The following EFL1 variants were observed in gnomAD, a reference collection of about 807,000 sequenced individuals.
EFL1 encodes elongation factor-like GTPase 1.
EFL1 carries 76 observed loss-of-function variants against 126.7 expected under a neutral mutation model. The ratio of observed to expected loss-of-function variants is 0.60; its 90% CI spans 0.50 to 0.73. EFL1 has a LOEUF of 0.73. EFL1 is among the 30% of genes least tolerant of loss of function. The probability of loss-of-function intolerance (pLI) is 0.00; values close to 1 mark genes in which losing one functional copy is unlikely to be tolerated. For missense variants in EFL1, 1,128 were observed against 1,343.2 expected (o/e 0.84, Z 2.50); for synonymous variants, 410 against 448.4 (o/e 0.91, Z 1.08).
At chr15:82,156,632 T>C (rs1442119322) in intron 17 of EFL1, among the ~76,000 whole-genome samples, 1 of 151,272 alleles carries the variant, frequency 6.6e-6, no homozygotes, top group African/African-American at 2.5e-5. Flanking sequence ...TGTTGTATAG[T>C]TACTACTACC....
chr15:82,207,721 A>ATTT lies in EFL1; in HGVS notation c.1750+6993_1750+6995dup, dbSNP rs200551064. Among the ~76,000 whole-genome samples, 446 of 141,890 alleles carry ATTT rather than the reference A, an allele frequency of 3.1e-3. 5 individuals carry two copies. The highest frequency in any genetic ancestry group is 7.8e-3 in the South Asian group (35 of 4,462). The allele number at this position is 141,890 out of a possible 152,430, so 93.1% of individuals were successfully genotyped here. Reference sequence around the variant, plus strand: ...AAAGTTGAGAATAATTGATTGATTGATTTTTTTTTTTTTTTTGAGAAGGAG... The same window carrying ATTT: ...AAAGTTGAGAATAATTGATTGATTGATTTTTTTTTTTTTTTTTTTGAGAAGGAG... On this transcript the variant is annotated intron_variant, in intron 15 of 19. Transcript: ENST00000268206.
chr15:82,141,755 A>T (rs1395930161), intron 18 of EFL1, among the ~76,000 whole-genome samples: 7 of 152,134 alleles, frequency 4.6e-5, no homozygotes, highest in Non-Finnish European at 8.8e-5. Context: ...ACAATAAAAC[A>T]ATAGGGGCAA....
At chr15:82,219,495 T>A (rs2074685287) in intron 14 of EFL1, among the ~76,000 whole-genome samples, 157 bp downstream of exon 14, 1 of 152,166 alleles carries the variant, frequency 6.6e-6, no homozygotes. Flanking sequence ...ATGACAAATG[T>A]TATCAAAGCA....
chr15:82,151,861 A>C lies in EFL1; in HGVS notation c.2593T>G (p.Leu865Val). 4 of 1,614,090 alleles carry C rather than the reference A, an allele frequency of 2.5e-6. No homozygotes were observed. The highest frequency in any genetic ancestry group is 3.4e-6 in the Non-Finnish European group (4 of 1,180,026). The change falls in exon 18 of 20, where the codon TTG (leucine) becomes GTG (valine). Residue 865 changes from leucine to valine, a missense_variant. By Grantham distance (32) the Leu-to-Val change is conservative. This residue lies in a region of EFL1 where 561 missense variants were observed against 641.7 expected (regional missense o/e 0.87). Coordinates refer to ENST00000268206, the MANE Select transcript of EFL1 (RefSeq NM_024580.6). Reference sequence around the variant, plus strand: ...AAGCCACTCACAATGCTATTGCCCAAATCTCGGTATCTACTGGCTTCTTTT... The same window carrying C: ...AAGCCACTCACAATGCTATTGCCCACATCTCGGTATCTACTGGCTTCTTTT... ...ASKEASRYRD[L>V]GNSIVSGFQL...
intron 7 of EFL1, among the ~76,000 whole-genome samples, chr15:82,233,361 C>A (rs2074841868): frequency 6.6e-6 from 1 of 152,114 alleles, no homozygotes; most frequent in Admixed American, 6.5e-5. Context: ...AGAGTAACTG[C>A]AAGCAAGATT....
intron 14 of EFL1, among the ~76,000 whole-genome samples, chr15:82,217,373 G>GGAAAA (rs1429392936): frequency 7.4e-5 from 2 of 27,152 alleles, no homozygotes; most frequent in African/African-American, 1.5e-4. Context: ...GATTAGATTT[G>GGAAAA]AAAAAAAAAA....
intron 15 of EFL1, among the ~76,000 whole-genome samples, chr15:82,171,280 G>T (rs1397298116): frequency 6.6e-6 from 1 of 152,104 alleles, no homozygotes. Context: ...AAATATTAAG[G>T]GTCAGTTCAT....
rs1455454808 is a variant in EFL1, at chr15:82,262,686, A to G, written c.-92T>C. 5 of 583,508 alleles carry G rather than the reference A, an allele frequency of 8.6e-6. No homozygotes were observed. The highest frequency in any genetic ancestry group is 2.2e-5 in the South Asian group (1 of 45,084). The allele number at this position is 583,508 out of a possible 1,614,324, so 36.1% of individuals were successfully genotyped here. A position where few individuals can be genotyped will look rare whatever the true frequency, so the allele number is the denominator to read the frequency against. On this transcript the variant is annotated 5_prime_UTR_variant, in exon 1 of 20. Coordinates refer to ENST00000268206, the MANE Select transcript of EFL1 (RefSeq NM_024580.6). ...CACACCGAGAGCTTCCGAAAGTCCGAGAGCTCTGCGGGTCCGACACGCCCG... is the reference window on the plus strand; with the variant it reads ...CACACCGAGAGCTTCCGAAAGTCCGGGAGCTCTGCGGGTCCGACACGCCCG...
At chr15:82,222,664 GCAGATAGTAAT>G (rs2074724028) in intron 12 of EFL1, among the ~76,000 whole-genome samples, 1 of 152,316 alleles carries the variant, frequency 6.6e-6, no homozygotes, top group East Asian at 1.9e-4. Context: ...GGGGAACAAA[GCAGATAGTAAT>G]CAGCAAGGAT....
chr15:82,241,871 G>A (rs1318078662), intron 4 of EFL1, among the ~76,000 whole-genome samples: 1 of 152,246 alleles, frequency 6.6e-6, no homozygotes, highest in Non-Finnish European at 1.5e-5. Flanking sequence ...AGCAGTGTAT[G>A]AATCTGCTCA....
intron 16 of EFL1, among the ~76,000 whole-genome samples, chr15:82,158,924 A>G (rs1433849117): frequency 6.6e-6 from 1 of 152,242 alleles, no homozygotes; most frequent in Non-Finnish European, 1.5e-5. Flanking sequence ...AAACTAATAA[A>G]CTTGTGTTCA....
intron 7 of EFL1, among the ~76,000 whole-genome samples, chr15:82,234,807 T>C (rs1197948290): frequency 6.6e-6 from 1 of 152,158 alleles, no homozygotes; most frequent in Non-Finnish European, 1.5e-5. Context: ...GCAAATTACA[T>C]GCAATATCAA....
chr15:82,140,229 C>A (rs2073770816), intron 18 of EFL1, among the ~76,000 whole-genome samples: 1 of 152,192 alleles, frequency 6.6e-6, no homozygotes, highest in Non-Finnish European at 1.5e-5. Context: ...CTTCTCATTT[C>A]TTCACTATGT....
intron 15 of EFL1, among the ~76,000 whole-genome samples, chr15:82,169,093 T>C (rs1259191798): frequency 6.6e-6 from 1 of 152,072 alleles, no homozygotes; most frequent in Non-Finnish European, 1.5e-5. Flanking sequence ...CCAATGGAGC[T>C]TGGTTCTCAT....
chr15:82,151,766 T>C lies in EFL1; in HGVS notation c.2688A>G (p.Lys896=). 1 of 1,614,102 alleles carries C rather than the reference T, an allele frequency of 6.2e-7. No individual in the cohort carries two copies. The highest frequency in any genetic ancestry group is 8.5e-7 in the Non-Finnish European group (1 of 1,180,024). Residue 896 remains lysine, a synonymous_variant, in exon 18 of 20, where the codon AAA becomes AAG. Transcript: ENST00000268206. ...GTTCCTCAAATTTACTTAGGTCCCA[T>C]TTTTCCAGAACAAAACAGACACCCA... is the stretch of plus-strand genomic sequence containing the variant. ...PLMGVCFVLE[K]WDLSKFEEQG...
intron 15 of EFL1, among the ~76,000 whole-genome samples, chr15:82,181,622 A>ATGTGTGTGTGTG (rs35063141): frequency 0.034 from 5,105 of 149,408 alleles, 121 homozygotes; most frequent in African/African-American, 0.068. Context: ...ATGTGTGTGC[A>ATGTGTGTGTGTG]TGTGTGTGTG....
intron 4 of EFL1, among the ~76,000 whole-genome samples, chr15:82,250,997 C>T (rs1213031446): frequency 4.0e-5 from 6 of 151,884 alleles, no homozygotes; most frequent in Non-Finnish European, 7.4e-5. Flanking sequence ...GGATCACCTG[C>T]GGTCAGGAGT....
intron 3 of EFL1, among the ~76,000 whole-genome samples, chr15:82,255,059 T>C (rs1264695878): frequency 6.6e-6 from 1 of 152,210 alleles, no homozygotes; most frequent in Non-Finnish European, 1.5e-5. Flanking sequence ...TTCTGAGTTA[T>C]TAAATCTGCA....
In EFL1 at chr15:82,130,335, A is replaced by G. The variant is rs1416278923; in HGVS notation, c.*38T>C. Reference sequence around the variant, plus strand: ...ATTAAACCCTTGATGATACTTTTAAATTCACTATAAGGAAAAGAATCCACC... The same window carrying G: ...ATTAAACCCTTGATGATACTTTTAAGTTCACTATAAGGAAAAGAATCCACC... On this transcript the variant is annotated 3_prime_UTR_variant, in exon 20 of 20. Coordinates refer to ENST00000268206, the MANE Select transcript of EFL1 (RefSeq NM_024580.6). 11 of 1,593,844 alleles carry G rather than the reference A, an allele frequency of 6.9e-6. No individual in the cohort carries two copies. The highest frequency in any genetic ancestry group is 9.4e-6 in the Non-Finnish European group (11 of 1,169,610).
Sources: allele counts gnomAD v4.1 joint callset (sites outside exome capture counted in the v4.1 genomes callset), GRCh38; gene constraint gnomAD v4.1.1; regional missense constraint gnomAD v4.1.1; transcripts MANE v1.5; gene names NCBI Gene and HGNC (gene_info 2026-07-23, HGNC 2026-07-21).